SNX29: variants seen among roughly 807,000 people sequenced by gnomAD.
SNX29 encodes sorting nexin-29.
SNX29 carries 78 observed loss-of-function variants against 102.1 expected under a neutral mutation model. The ratio of observed to expected loss-of-function variants is 0.76; its 90% CI spans 0.64 to 0.92. The LOEUF is 0.92. Among genes scored for constraint, SNX29 ranks in the 40% least tolerant of loss-of-function variants. SNX29 has a pLI of 0.00. For missense variants in SNX29, 1,280 were observed against 1,061.7 expected, an observed-to-expected ratio of 1.21 and a Z score of -2.86; for synonymous variants, 580 against 414.5, an observed-to-expected ratio of 1.40 and a Z score of -4.85.
chr16:12,422,558 G>T (rs75364970), intron 18 of SNX29, among the ~76,000 whole-genome samples: 9 of 152,108 alleles, frequency 5.9e-5, no homozygotes, highest in African/African-American at 2.2e-4. Flanking sequence ...TTCCCTCCTC[G>T]TCTTCCCTGG....
chr16:12,370,110 T>C (rs963836656), intron 16 of SNX29, among the ~76,000 whole-genome samples: 2 of 151,526 alleles, frequency 1.3e-5, no homozygotes, highest in African/African-American at 4.9e-5. Flanking sequence ...TAATCCCAGC[T>C]ACTCGGGAGG....
chr16:12,054,919 C>T (rs945006208), intron 8 of SNX29, among the ~76,000 whole-genome samples: 4 of 152,126 alleles, frequency 2.6e-5, no homozygotes, highest in Admixed American at 6.6e-5. Context: ...TTGTTATCAG[C>T]GGATCTCAAA....
At chr16:12,315,630 G>T (rs574038886) in intron 15 of SNX29, among the ~76,000 whole-genome samples, 1 of 152,172 alleles carries the variant, frequency 6.6e-6, no homozygotes, top group African/African-American at 2.4e-5. Flanking sequence ...TCTGCAAGCC[G>T]TGGAGTGGCC....
At chr16:12,239,994 A>G (rs1463460446) in intron 14 of SNX29, among the ~76,000 whole-genome samples, 1 of 152,258 alleles carries the variant, frequency 6.6e-6, no homozygotes, top group Non-Finnish European at 1.5e-5. Context: ...GTGTCTGTGT[A>G]AAACACATTT....
At chr16:12,086,056 G>T (rs998792085) in intron 11 of SNX29, among the ~76,000 whole-genome samples, 10 of 150,502 alleles carry the variant, frequency 6.6e-5, no homozygotes, top group South Asian at 6.3e-4. Flanking sequence ...CTGGCTGGAG[G>T]GCAGTGGCGT....
intron 19 of SNX29, among the ~76,000 whole-genome samples, chr16:12,520,717 T>A (rs2090065008): frequency 6.6e-6 from 1 of 152,206 alleles, no homozygotes; most frequent in Non-Finnish European, 1.5e-5. Context: ...GAATCCCGTG[T>A]GTTCTCACTT....
chr16:12,289,107 C>G (rs1445306680), intron 15 of SNX29, among the ~76,000 whole-genome samples: 2 of 152,192 alleles, frequency 1.3e-5, no homozygotes, highest in South Asian at 2.1e-4. Context: ...GAAACAGATT[C>G]TAGCTGGCGA....
chr16:12,467,149 G>C (rs149314857), intron 18 of SNX29, among the ~76,000 whole-genome samples: 7 of 152,336 alleles, frequency 4.6e-5, no homozygotes, highest in African/African-American at 1.7e-4. Flanking sequence ...CAGTGGCTCA[G>C]ACTCAGTAAG....
chr16:12,466,659 G>A (rs1030046117), intron 18 of SNX29, among the ~76,000 whole-genome samples: 2 of 152,172 alleles, frequency 1.3e-5, no homozygotes, highest in African/African-American at 4.8e-5. Context: ...TGGAGCCCCA[G>A]CCCAACAGCC....
intron 14 of SNX29, among the ~76,000 whole-genome samples, chr16:12,241,603 A>C (rs1394110764): frequency 6.6e-6 from 1 of 152,130 alleles, no homozygotes; most frequent in African/African-American, 2.4e-5. Flanking sequence ...CGGGGATTAC[A>C]GGCACCTGCC....
chr16:12,180,033 C>T (rs1032052285), intron 13 of SNX29, among the ~76,000 whole-genome samples: 1 of 152,142 alleles, frequency 6.6e-6, no homozygotes, highest in African/African-American at 2.4e-5. Context: ...TTTATTCCAA[C>T]AAAGTGTTTT....
rs1413016205 is a variant in SNX29, at chr16:12,051,826, C to G, written c.749-21C>G. On this transcript the variant is annotated intron_variant, in intron 7 of 20. Transcript: ENST00000566228. Reference sequence around the variant, plus strand: ...TTGCCTCCTTTTTCTTATACTGTATCTTTTTTTTTTTTTTTGCCAGATGCC... The same window carrying G: ...TTGCCTCCTTTTTCTTATACTGTATGTTTTTTTTTTTTTTTGCCAGATGCC... The G allele has an allele frequency of 1.4e-5, 22 of 1,541,968 alleles. No homozygotes were observed. The East Asian group carries it at 4.8e-4, about 34-fold the overall frequency.
At chr16:12,216,404 T>C (rs544310089) in intron 14 of SNX29, among the ~76,000 whole-genome samples, 4 of 152,152 alleles carry the variant, frequency 2.6e-5, no homozygotes, top group South Asian at 4.2e-4. Context: ...AAATCATTGG[T>C]AGGGAGTTTG....
chr16:12,136,732 T>TTTG (rs113304194), intron 13 of SNX29, among the ~76,000 whole-genome samples: 66,512 of 151,362 alleles, frequency 0.44, 15,978 homozygotes, highest in East Asian at 0.7. Context: ...AGGAAAGGTT[T>TTTG]TTGTTGTTAT....
chr16:12,430,350 G>A (rs910740966), intron 18 of SNX29, among the ~76,000 whole-genome samples: 1 of 152,230 alleles, frequency 6.6e-6, no homozygotes, highest in Non-Finnish European at 1.5e-5. Flanking sequence ...GAAGGATAAT[G>A]ACTGTGAGGT....
At chr16:12,383,298 C>G (rs1228886566) in intron 16 of SNX29, among the ~76,000 whole-genome samples, 5 of 152,032 alleles carry the variant, frequency 3.3e-5, no homozygotes, top group African/African-American at 1.2e-4. Flanking sequence ...TGGGATAGGT[C>G]TTGGGTATTC....
chr16:12,167,784 A>ACATC (rs2076051171), intron 13 of SNX29, among the ~76,000 whole-genome samples: 2 of 152,222 alleles, frequency 1.3e-5, no homozygotes, highest in African/African-American at 4.8e-5. Flanking sequence ...GTGTGATTCT[A>ACATC]CATCAGGGGT....
intron 13 of SNX29, among the ~76,000 whole-genome samples, chr16:12,139,199 A>C (rs1276227284): frequency 2.9e-5 from 3 of 103,076 alleles, no homozygotes; most frequent in Non-Finnish European, 4.3e-5. Flanking sequence ...ACTCTAAAAA[A>C]AAAAAAAAAA....
intron 19 of SNX29, among the ~76,000 whole-genome samples, chr16:12,513,901 A>G (rs933822093): frequency 4.6e-5 from 7 of 152,208 alleles, no homozygotes; most frequent in Non-Finnish European, 7.3e-5. Context: ...TTAAGTGGCA[A>G]TAACAGGAAT....
Sources: gnomAD v4.1 joint callset for allele counts (sites outside exome capture counted in the v4.1 genomes callset) on GRCh38, gnomAD v4.1.1 for gene constraint, MANE v1.5 for transcripts, NCBI Gene and HGNC (gene_info 2026-07-23, HGNC 2026-07-21) for gene names.